Variants in MARCHF4 observed in about 807,000 individuals in gnomAD.
The protein encoded by MARCHF4 is membrane associated ring-CH-type finger 4, also known as E3 ubiquitin-protein ligase MARCHF4.
A neutral mutation model predicts 43.9 loss-of-function variants in MARCHF4; 14 were observed. That is an observed-to-expected ratio of 0.32 (90% CI 0.21 to 0.50). The LOEUF (loss-of-function observed/expected upper bound fraction) is 0.50. Ranked by LOEUF, MARCHF4 falls within the 20% of genes least tolerant of loss-of-function variation. MARCHF4 has a pLI of 0.98. For synonymous variants in MARCHF4, 226 were observed against 213.3 expected, an observed-to-expected ratio of 1.06 and a Z score of -0.52; for missense variants, 468 against 536.7, an observed-to-expected ratio of 0.87 and a Z score of 1.27.
At chr2:216,342,274 G>A (rs1042940311) in intron 1 of MARCHF4, among the ~76,000 whole-genome samples, 7 of 152,092 alleles carry the variant, frequency 4.6e-5, no homozygotes, top group Non-Finnish European at 1.5e-5. Flanking sequence ...GACCCACCAG[G>A]TTCTTGTTAT....
chr2:216,334,726 A>G (rs1456162223), intron 1 of MARCHF4, among the ~76,000 whole-genome samples: 1 of 152,228 alleles, frequency 6.6e-6, no homozygotes, highest in Non-Finnish European at 1.5e-5. Flanking sequence ...GTTTATAGCT[A>G]TTTATAATAG....
rs546335637 is a variant in MARCHF4, at chr2:216,304,869, G to A, written c.517-21140C>T. ...CTCAGAAGGCTGAGGCAGGAGAATC[G>A]CTTGAACCCAGGAGGTGGAGGTTGC... On this transcript the variant is annotated intron_variant, in intron 1 of 3. Transcript: ENST00000273067. Among the ~76,000 whole-genome samples the A allele has an allele frequency of 2.4e-4, 36 of 152,056 alleles. No homozygotes were observed. The East Asian group carries it at 6.0e-3, about 25-fold the overall frequency.
chr2:216,340,057 C>G (rs1241189000), intron 1 of MARCHF4, among the ~76,000 whole-genome samples: 2 of 152,152 alleles, frequency 1.3e-5, no homozygotes. Context: ...TTATCCGCCT[C>G]TCCCTTTCCC....
chr2:216,307,203 G>A (rs1244539743), intron 1 of MARCHF4, among the ~76,000 whole-genome samples: 1 of 152,152 alleles, frequency 6.6e-6, no homozygotes, highest in Non-Finnish European at 1.5e-5. Flanking sequence ...GTTCCAACTG[G>A]GAAACCTGAA....
chr2:216,273,638 T>C (rs1425779958), intron 3 of MARCHF4, among the ~76,000 whole-genome samples: 1 of 152,222 alleles, frequency 6.6e-6, no homozygotes, highest in East Asian at 1.9e-4. Flanking sequence ...CTCTCAGGAC[T>C]TCTGGAAGGG....
chr2:216,264,039 C>T (rs996703852), intron 3 of MARCHF4, among the ~76,000 whole-genome samples: 3 of 152,094 alleles, frequency 2.0e-5, no homozygotes, highest in African/African-American at 7.2e-5. Context: ...TAATGAGTCA[C>T]CCCAGCCTCC....
At chr2:216,308,928 T>C (rs1691634426) in intron 1 of MARCHF4, among the ~76,000 whole-genome samples, 1 of 152,182 alleles carries the variant, frequency 6.6e-6, no homozygotes, top group Non-Finnish European at 1.5e-5. Flanking sequence ...TATTCAAACC[T>C]ATTCATGGTT....
At chr2:216,293,979 C>A (rs1378257198) in intron 1 of MARCHF4, among the ~76,000 whole-genome samples, 7,019 of 96,488 alleles carry the variant, frequency 0.073, 1,506 homozygotes, top group Non-Finnish European at 0.13. Context: ...TCATCATTAC[C>A]ATCACCATTG....
At chr2:216,306,471 A>G (rs1559094766) in intron 1 of MARCHF4, among the ~76,000 whole-genome samples, 1 of 152,186 alleles carries the variant, frequency 6.6e-6, no homozygotes, top group Non-Finnish European at 1.5e-5. Context: ...TTCTAGATCA[A>G]AGTTTGCAGA....
intron 1 of MARCHF4, among the ~76,000 whole-genome samples, chr2:216,354,229 C>T (rs140190933): frequency 3.9e-4 from 59 of 152,270 alleles, no homozygotes; most frequent in African/African-American, 1.3e-3. Context: ...ATTTGAAATG[C>T]GGTGAGAGAG....
intron 3 of MARCHF4, among the ~76,000 whole-genome samples, chr2:216,266,309 C>T (rs1574458137): frequency 6.6e-6 from 1 of 152,114 alleles, no homozygotes; most frequent in East Asian, 1.9e-4. Context: ...ATGAGTCCTG[C>T]GTGCCAATAC....
chr2:216,354,142 T>C (rs1692445273), intron 1 of MARCHF4, among the ~76,000 whole-genome samples: 1 of 152,166 alleles, frequency 6.6e-6, no homozygotes, highest in Non-Finnish European at 1.5e-5. Flanking sequence ...AGAGGACTAG[T>C]TGCTAAAGAG....
At chr2:216,338,800 T>C (rs1396357444) in intron 1 of MARCHF4, among the ~76,000 whole-genome samples, 1 of 152,162 alleles carries the variant, frequency 6.6e-6, no homozygotes, top group Non-Finnish European at 1.5e-5. Context: ...TCTTCAAAGA[T>C]GGTAGCCCAC....
intron 2 of MARCHF4, 26 bp downstream of exon 2, chr2:216,283,548 C>A (rs377190423): frequency 6.4e-7 from 1 of 1,566,298 alleles, no homozygotes; most frequent in East Asian, 2.3e-5. Flanking sequence ...GGCCCAGCAA[C>A]CCCACCAGGC....
intron 1 of MARCHF4, among the ~76,000 whole-genome samples, chr2:216,347,449 T>A (rs1692338832): frequency 6.6e-6 from 1 of 152,190 alleles, no homozygotes; most frequent in Non-Finnish European, 1.5e-5. Context: ...GGTGGCAGTA[T>A]AAACATCTCT....
At chr2:216,361,273 T>G (rs983817743) in intron 1 of MARCHF4, among the ~76,000 whole-genome samples, 2 of 152,282 alleles carry the variant, frequency 1.3e-5, no homozygotes, top group African/African-American at 4.8e-5. Flanking sequence ...GATATAATCA[T>G]GAAGCATAAG....
intron 1 of MARCHF4, among the ~76,000 whole-genome samples, chr2:216,327,147 TA>T (rs1445724944): frequency 4.6e-5 from 7 of 152,044 alleles, no homozygotes; most frequent in African/African-American, 1.7e-4. Flanking sequence ...TTTTACTTTG[TA>T]TTTTTTTTTT....
At chr2:216,359,222 A>G (rs1033011715) in intron 1 of MARCHF4, among the ~76,000 whole-genome samples, 1 of 152,212 alleles carries the variant, frequency 6.6e-6, no homozygotes, top group African/African-American at 2.4e-5. Context: ...GAGAGATGTA[A>G]GAGGCATCCC....
intron 1 of MARCHF4, among the ~76,000 whole-genome samples, chr2:216,320,381 T>G (rs1316038317): frequency 6.6e-6 from 1 of 152,220 alleles, no homozygotes; most frequent in Non-Finnish European, 1.5e-5. Flanking sequence ...GCATTTCACA[T>G]TGCTTAACTC....
Sources: allele counts gnomAD v4.1 joint callset (sites outside exome capture counted in the v4.1 genomes callset), GRCh38; gene constraint gnomAD v4.1.1; transcripts MANE v1.5; gene names NCBI Gene and HGNC (gene_info 2026-07-23, HGNC 2026-07-21).